NR6A1: variants seen among roughly 807,000 people sequenced by gnomAD.
The protein encoded by NR6A1 is retinoic acid receptor-related testis-associated receptor.
NR6A1 carries 7 observed loss-of-function variants against 59.1 expected under a neutral mutation model. That is an observed-to-expected ratio of 0.12 (90% CI 0.07 to 0.22). NR6A1 has a LOEUF of 0.22. NR6A1 is among the 10% of genes least tolerant of loss of function. The pLI is 1.00. For synonymous variants in NR6A1, 243 were observed against 236.1 expected (o/e 1.03, Z -0.27); for missense variants, 468 against 611.6 (o/e 0.77, Z 2.48).
intron 2 of NR6A1, among the ~76,000 whole-genome samples, chr9:124,591,676 T>A (rs1835129104): frequency 6.6e-6 from 1 of 152,156 alleles, no homozygotes; most frequent in African/African-American, 2.4e-5. Context: ...TAATGCAAGG[T>A]CCTTGGATCA....
At chr9:124,715,902 G>A (rs150323898) in intron 2 of NR6A1, among the ~76,000 whole-genome samples, 131 of 152,260 alleles carry the variant, frequency 8.6e-4, no homozygotes, top group Middle Eastern at 3.4e-3. Flanking sequence ...TTTTCAGCAA[G>A]AGCATCAAAA....
chr9:124,599,151 G>A (rs555929584), intron 2 of NR6A1: 1 of 616,738 alleles, frequency 1.6e-6, no homozygotes, highest in South Asian at 1.5e-5. Flanking sequence ...ATTTTAAAAA[G>A]TTCCTCTTTG....
Position 124,535,907 on chromosome 9 carries a change from C to T in NR6A1, c.1050G>A (p.Lys350=). The part of the protein sequence containing the change: ...IFGELADVTA[K]YSPSDEELHR... ...GTAGTTCTTCATCGGAGGGCGAGTA[C>T]TTGGCAGTGACATCAGCCAGTTCCC... Residue 350 remains lysine (K), a synonymous_variant, in exon 7 of 10, where the codon AAG becomes AAA. Coordinates refer to ENST00000487099, the MANE Select transcript of NR6A1 (RefSeq NM_033334.4). 1 of 1,614,148 alleles carries T rather than the reference C, an allele frequency of 6.2e-7. No individual in the cohort carries two copies. Among genetic ancestry groups the T allele is most frequent in the Non-Finnish European group, 8.5e-7 (1 of 1,180,014 alleles).
intron 1 of NR6A1, among the ~76,000 whole-genome samples, chr9:124,758,318 C>A (rs116103506): frequency 1.9e-3 from 286 of 152,288 alleles, no homozygotes; most frequent in African/African-American, 6.3e-3. Flanking sequence ...TTTTTACAGA[C>A]CAGCAGCATT....
intron 2 of NR6A1, among the ~76,000 whole-genome samples, chr9:124,561,003 G>A (rs957423905): frequency 6.6e-6 from 1 of 152,154 alleles, no homozygotes; most frequent in African/African-American, 2.4e-5. Context: ...GCCTCAACTT[G>A]TGGATAGAAA....
chr9:124,767,699 T>A (rs919280868), intron 1 of NR6A1, among the ~76,000 whole-genome samples: 2 of 152,190 alleles, frequency 1.3e-5, no homozygotes, highest in Non-Finnish European at 2.9e-5. Context: ...ATTTGCCAAT[T>A]TATTTTCCAG....
intron 2 of NR6A1, among the ~76,000 whole-genome samples, chr9:124,580,573 A>G (rs1834735002): frequency 6.6e-6 from 1 of 152,172 alleles, no homozygotes; most frequent in African/African-American, 2.4e-5. Context: ...TAATCCCAGC[A>G]CTCTGGGAGG....
At chr9:124,627,420 C>CA (rs1836277436) in intron 2 of NR6A1, among the ~76,000 whole-genome samples, 2 of 152,160 alleles carry the variant, frequency 1.3e-5, no homozygotes, top group African/African-American at 2.4e-5. Flanking sequence ...TGAAGGATGG[C>CA]AAAAAACTCT....
intron 2 of NR6A1, among the ~76,000 whole-genome samples, chr9:124,605,021 G>A (rs1200209001): frequency 2.6e-5 from 4 of 151,950 alleles, no homozygotes; most frequent in Non-Finnish European, 4.4e-5. Flanking sequence ...ATCATCAAAC[G>A]CTGCTAACCA....
chr9:124,537,603 G>A (rs1833307463), intron 6 of NR6A1, among the ~76,000 whole-genome samples: 1 of 152,106 alleles, frequency 6.6e-6, no homozygotes, highest in African/African-American at 2.4e-5. Flanking sequence ...TCCTCAGGTA[G>A]AAGTGACTAA....
At chr9:124,594,265 C>T (rs924204742) in intron 2 of NR6A1, among the ~76,000 whole-genome samples, 3 of 152,010 alleles carry the variant, frequency 2.0e-5, no homozygotes, top group Admixed American at 6.6e-5. Context: ...GTTTTGGTAC[C>T]GTAAGTTATT....
chr9:124,554,158 A>G (rs1004219501), intron 3 of NR6A1, among the ~76,000 whole-genome samples, 170 bp downstream of exon 3: 2 of 152,064 alleles, frequency 1.3e-5, no homozygotes, highest in South Asian at 4.2e-4. Flanking sequence ...TCTTCCCCCC[A>G]CCTAGTTTAG....
At chr9:124,733,516 T>C (rs1448845847) in intron 1 of NR6A1, among the ~76,000 whole-genome samples, 167 bp from the exon 2 acceptor site, 8 of 152,156 alleles carry the variant, frequency 5.3e-5, no homozygotes, top group Admixed American at 1.3e-4. Context: ...GAGCCTCCAT[T>C]TCATCCCTTC....
chr9:124,708,615 C>T (rs10818986), intron 2 of NR6A1, among the ~76,000 whole-genome samples: 17,184 of 152,130 alleles, frequency 0.11, 1,290 homozygotes, highest in East Asian at 0.27. Flanking sequence ...TTTTCAGTTC[C>T]AGAAAGCAAC....
chr9:124,743,145 G>C (rs1440510558), intron 1 of NR6A1, among the ~76,000 whole-genome samples: 4 of 152,242 alleles, frequency 2.6e-5, no homozygotes, highest in Non-Finnish European at 5.9e-5. Flanking sequence ...CCTGCAAGCA[G>C]CTCCAGACCT....
rs59451556 is a variant in NR6A1 at position 124,665,010 on chromosome 9, C to CAAAAAAAAAAA, written c.142+68287_142+68297dup. ...CAATATAATAAGATCCTTGTATCTCCAAAAAAAAAAAAAAAAAAAAAAAAA... is the reference window on the plus strand; with the variant it reads ...CAATATAATAAGATCCTTGTATCTCCAAAAAAAAAAAAAAAAAAAAAAAAAAAAAAAAAAAA... On this transcript the variant is annotated intron_variant, in intron 2 of 9. Transcript: ENST00000487099. Among the ~76,000 whole-genome samples, 4 of 13,742 alleles carry CAAAAAAAAAAA rather than the reference C, an allele frequency of 2.9e-4. 1 individual carries two copies. Among genetic ancestry groups the CAAAAAAAAAAA allele is most frequent in the Admixed American group, 1.1e-3 (1 of 944 alleles). The allele number at this position is 13,742 out of a possible 152,430, so 9.0% of individuals were successfully genotyped here.
At chr9:124,769,108 T>C (rs950735735) in intron 1 of NR6A1, among the ~76,000 whole-genome samples, 1 of 152,202 alleles carries the variant, frequency 6.6e-6, no homozygotes, top group Admixed American at 6.5e-5. Context: ...TTATACTGTC[T>C]CCTTCTACCC....
chr9:124,766,811 T>G (rs1328376851), intron 1 of NR6A1, among the ~76,000 whole-genome samples: 1 of 152,238 alleles, frequency 6.6e-6, no homozygotes, highest in African/African-American at 2.4e-5. Context: ...CTTTATGCAA[T>G]TCTTAAGCTA....
intron 3 of NR6A1, among the ~76,000 whole-genome samples, chr9:124,546,274 G>A (rs1172285202): frequency 2.6e-5 from 4 of 152,218 alleles, no homozygotes; most frequent in Non-Finnish European, 5.9e-5. Context: ...AAGGCTCACA[G>A]AAATGAAGTA....
Sources: gnomAD v4.1 joint callset for allele counts (sites outside exome capture counted in the v4.1 genomes callset) on GRCh38, gnomAD v4.1.1 for gene constraint, MANE v1.5 for transcripts, NCBI Gene and HGNC (gene_info 2026-07-23, HGNC 2026-07-21) for gene names.